The following C8orf34 variants were observed in gnomAD, a reference collection of about 807,000 sequenced individuals.
C8orf34 encodes the protein chromosome 8 open reading frame 34, also known as uncharacterized protein C8orf34.
In C8orf34, 65 loss-of-function variants were observed where a neutral mutation model predicts 68.3. The observed-to-expected ratio is 0.95, with a 90% CI of 0.78 to 1.17. C8orf34 has a LOEUF of 1.17. Among genes scored for constraint, C8orf34 ranks in the 50% most tolerant of loss-of-function variants. The pLI is 0.00. For synonymous variants in C8orf34, 244 were observed against 241.2 expected, an observed-to-expected ratio of 1.01 and a Z score of -0.11; for missense variants, 664 against 655.4, an observed-to-expected ratio of 1.01 and a Z score of -0.14.
intron 5 of C8orf34, among the ~76,000 whole-genome samples, chr8:68,496,955 A>G (rs1385625420): frequency 6.6e-6 from 1 of 152,158 alleles, no homozygotes; most frequent in East Asian, 1.9e-4. Flanking sequence ...CGTATGTTTG[A>G]TGTTTATCAG....
intron 2 of C8orf34, among the ~76,000 whole-genome samples, chr8:68,440,366 C>T (rs1810850344): frequency 6.6e-6 from 1 of 152,202 alleles, no homozygotes; most frequent in South Asian, 2.1e-4. Context: ...TATCACTTCT[C>T]TCCACCTCTT....
At chr8:68,785,339 C>T (rs1171437194) in intron 11 of C8orf34, among the ~76,000 whole-genome samples, 1 of 152,146 alleles carries the variant, frequency 6.6e-6, no homozygotes. Context: ...CGGATCATTC[C>T]AGTCTCTTTC....
chr8:68,776,605 G>A (rs938198645), intron 11 of C8orf34, among the ~76,000 whole-genome samples, 156 bp downstream of exon 11: 32 of 152,176 alleles, frequency 2.1e-4, no homozygotes, highest in African/African-American at 6.3e-4. Flanking sequence ...TAATAGGTTA[G>A]CAAGACAGGT....
chr8:68,508,906 A>G (rs1014414369), intron 5 of C8orf34, among the ~76,000 whole-genome samples: 3 of 152,158 alleles, frequency 2.0e-5, no homozygotes, highest in Non-Finnish European at 4.4e-5. Context: ...TCGCTAGGCC[A>G]GAGTCCCTGC....
chr8:68,789,242 T>C (rs1823926493), intron 12 of C8orf34, among the ~76,000 whole-genome samples: 1 of 152,226 alleles, frequency 6.6e-6, no homozygotes, highest in African/African-American at 2.4e-5. Flanking sequence ...GAAAGTGTGC[T>C]AGTTTTACTG....
intron 6 of C8orf34, among the ~76,000 whole-genome samples, chr8:68,523,957 C>T (rs1814867507): frequency 6.6e-6 from 1 of 152,182 alleles, no homozygotes; most frequent in Admixed American, 6.5e-5. Context: ...GGGGCTGGCA[C>T]ATTTTTGTTG....
intron 1 of C8orf34, among the ~76,000 whole-genome samples, chr8:68,435,099 A>G (rs554403098): frequency 2.7e-5 from 4 of 150,524 alleles, no homozygotes; most frequent in Admixed American, 1.3e-4. Flanking sequence ...AGAAAATATA[A>G]GCCCAATAAA....
intron 8 of C8orf34, among the ~76,000 whole-genome samples, chr8:68,688,165 A>G (rs971971741): frequency 6.6e-6 from 1 of 152,138 alleles, no homozygotes; most frequent in Non-Finnish European, 1.5e-5. Context: ...GGGAACAGTT[A>G]CACTGCTGGC....
At chr8:68,625,759 G>T in intron 7 of C8orf34, 1 of 491,198 alleles carries the variant, frequency 2.0e-6, no homozygotes, top group Non-Finnish European at 3.6e-6. Context: ...TGGCCAGCAA[G>T]GGTCTTCTTT....
intron 1 of C8orf34, among the ~76,000 whole-genome samples, chr8:68,364,767 G>A (rs1410651106): frequency 1.2e-4 from 18 of 145,158 alleles, no homozygotes; most frequent in Admixed American, 6.2e-4. Flanking sequence ...GAAATTTATA[G>A]CACTAAATGC....
intron 1 of C8orf34, among the ~76,000 whole-genome samples, chr8:68,333,976 T>C (rs530642449): frequency 2.0e-5 from 3 of 152,350 alleles, no homozygotes; most frequent in Admixed American, 2.0e-4. Context: ...TGGTATGAGA[T>C]ACTTTAAAGA....
At chr8:68,796,836 T>C (rs1291079826) in intron 12 of C8orf34, among the ~76,000 whole-genome samples, 2 of 149,662 alleles carry the variant, frequency 1.3e-5, no homozygotes, top group African/African-American at 4.9e-5. Context: ...TTTTTTTTTT[T>C]TTTTTTTTGA....
intron 10 of C8orf34, among the ~76,000 whole-genome samples, chr8:68,761,643 ACC>A (rs1309451531): frequency 6.6e-6 from 1 of 152,186 alleles, no homozygotes; most frequent in African/African-American, 2.4e-5. Context: ...TCTATTTGCC[ACC>A]AACACACCAA....
chr8:68,668,040 A>C (rs1393093640), intron 8 of C8orf34, among the ~76,000 whole-genome samples: 2 of 152,316 alleles, frequency 1.3e-5, no homozygotes, highest in Admixed American at 6.5e-5. Context: ...ATTTAGAAAT[A>C]ATTGACAGCT....
At chr8:68,728,319 C>G (rs935241844) in intron 10 of C8orf34, among the ~76,000 whole-genome samples, 1 of 152,214 alleles carries the variant, frequency 6.6e-6, no homozygotes, top group African/African-American at 2.4e-5. Flanking sequence ...ATGTCGCTAT[C>G]AGCATTTTGG....
chr8:68,785,560 AAGTT>A (rs1164973492), intron 11 of C8orf34, among the ~76,000 whole-genome samples: 1 of 152,136 alleles, frequency 6.6e-6, no homozygotes, highest in African/African-American at 2.4e-5. Flanking sequence ...CTCATTTTCA[AAGTT>A]AGTTAGGTTA....
intron 1 of C8orf34, among the ~76,000 whole-genome samples, chr8:68,424,833 G>A (rs1465959140): frequency 6.6e-6 from 1 of 152,076 alleles, no homozygotes; most frequent in Non-Finnish European, 1.5e-5. Context: ...CTGGGAGGCG[G>A]AGCTTGCAGT....
intron 9 of C8orf34, among the ~76,000 whole-genome samples, chr8:68,716,935 TACAAA>T (rs1194734832): frequency 1.1e-4 from 17 of 151,726 alleles, no homozygotes; most frequent in Non-Finnish European, 2.2e-4. Flanking sequence ...ATCAGTGATG[TACAAA>T]TACATCCCCT....
intron 4 of C8orf34, among the ~76,000 whole-genome samples, chr8:68,486,522 C>A (rs778669796): frequency 7.9e-5 from 12 of 152,106 alleles, no homozygotes; most frequent in Non-Finnish European, 1.5e-4. Context: ...GAAGAATAAG[C>A]CCCAAATGTA....
Sources: gnomAD v4.1 joint callset for allele counts (sites outside exome capture counted in the v4.1 genomes callset) on GRCh38, gnomAD v4.1.1 for gene constraint, MANE v1.5 for transcripts, NCBI Gene and HGNC (gene_info 2026-07-23, HGNC 2026-07-21) for gene names.